The following FER1L6 variants were observed in gnomAD, a reference collection of about 807,000 sequenced individuals.
FER1L6 encodes the protein fer-1-like protein 6.
In FER1L6, 177 loss-of-function variants were observed where a neutral mutation model predicts 219.2. The ratio of observed to expected loss-of-function variants is 0.81; its 90% CI spans 0.71 to 0.91. The LOEUF (loss-of-function observed/expected upper bound fraction) is 0.91. FER1L6 is among the 40% of genes least tolerant of loss of function. The pLI, the probability that FER1L6 is intolerant of heterozygous loss-of-function variation, is 0.00. For synonymous variants in FER1L6, 768 were observed against 824.3 expected (o/e 0.93, Z 1.17); for missense variants, 2,153 against 2,259.9 (o/e 0.95, Z 0.96).
intron 39 of FER1L6, among the ~76,000 whole-genome samples, chr8:124,109,933 T>C (rs1288240012): frequency 6.6e-6 from 1 of 152,174 alleles, no homozygotes; most frequent in Non-Finnish European, 1.5e-5. Context: ...ACAGCAGTGG[T>C]CAGACCACAC....
At chr8:123,856,349 T>TATATATATATATATATATATATA (rs71289618) in intron 1 of FER1L6, among the ~76,000 whole-genome samples, 1 of 134,512 alleles carries the variant, frequency 7.4e-6, no homozygotes, top group African/African-American at 2.8e-5. Context: ...TATATATATA[T>TATATATATATATATATATATATA]TAGGGTCCAG....
At chr8:123,857,491 C>G (rs535142099) in intron 1 of FER1L6, among the ~76,000 whole-genome samples, 1 of 152,176 alleles carries the variant, frequency 6.6e-6, no homozygotes, top group Non-Finnish European at 1.5e-5. Flanking sequence ...GCCTGGGCAA[C>G]AGGGTGAGAC....
chr8:123,986,650 C>G (rs1262594426), intron 12 of FER1L6, among the ~76,000 whole-genome samples: 4 of 152,112 alleles, frequency 2.6e-5, no homozygotes, highest in Non-Finnish European at 5.9e-5. Flanking sequence ...ATCTGCACTT[C>G]TCCCCTGCCT....
At chr8:123,959,974 G>T (rs1815195193) in intron 2 of FER1L6, among the ~76,000 whole-genome samples, 1 of 152,156 alleles carries the variant, frequency 6.6e-6, no homozygotes, top group Admixed American at 6.5e-5. Context: ...GGAAAAAAAT[G>T]CCAAGAAATT....
intron 1 of FER1L6, among the ~76,000 whole-genome samples, chr8:123,931,411 C>T (rs1453320749): frequency 6.6e-6 from 1 of 152,160 alleles, no homozygotes; most frequent in African/African-American, 2.4e-5. Context: ...GTCTGGACCT[C>T]TCTTGGTTCC....
chr8:124,055,629 T>C (rs1418743729), intron 22 of FER1L6, among the ~76,000 whole-genome samples: 1 of 152,144 alleles, frequency 6.6e-6, no homozygotes, highest in Non-Finnish European at 1.5e-5. Context: ...AGTTTTCCTC[T>C]CCTCTGCTGC....
At chr8:123,919,269 C>T (rs200489428) in intron 1 of FER1L6, among the ~76,000 whole-genome samples, 1 of 152,196 alleles carries the variant, frequency 6.6e-6, no homozygotes, top group Non-Finnish European at 1.5e-5. Flanking sequence ...ACACCTGGGG[C>T]CAGCTACCTC....
chr8:123,935,566 G>A (rs982114283), intron 1 of FER1L6, among the ~76,000 whole-genome samples: 1 of 152,266 alleles, frequency 6.6e-6, no homozygotes, highest in African/African-American at 2.4e-5. Context: ...GCCTAGAAAT[G>A]TATCATAGGA....
At chr8:124,082,187 T>C (rs1443832149) in intron 32 of FER1L6, 101 bp from the exon 33 acceptor site, 4 of 849,346 alleles carry the variant, frequency 4.7e-6, no homozygotes, top group Middle Eastern at 2.9e-4. Flanking sequence ...GAGTGTTTAA[T>C]GAGTTCACAT....
intron 31 of FER1L6, among the ~76,000 whole-genome samples, chr8:124,073,297 G>A (rs1044292059): frequency 1.3e-5 from 2 of 152,210 alleles, no homozygotes; most frequent in African/African-American, 2.4e-5. Flanking sequence ...TGTCCAGGAG[G>A]TAGCATGGGG....
At position 124,060,567 on chromosome 8, in the gene FER1L6, G is replaced by C; in HGVS notation, c.3005G>C (p.Arg1002Pro). ...YRVEVLFWGV[R>P]EMKKVQLLSV... ...CCTCAGGTTCTCTTCTGGGGAGTTCGGGAAATGAAGAAGGTGCAGCTCCTC... is the reference window on the plus strand; with the variant it reads ...CCTCAGGTTCTCTTCTGGGGAGTTCCGGAAATGAAGAAGGTGCAGCTCCTC... Residue 1002 changes from arginine (R) to proline (P), a missense_variant, in exon 24 of 41, where the codon CGG becomes CCG. Coordinates refer to ENST00000522917, the MANE Select transcript of FER1L6 (RefSeq NM_001039112.2). The C allele has an allele frequency of 6.2e-7, 1 of 1,613,952 alleles. No individual in the cohort carries two copies. The highest frequency in any genetic ancestry group is 8.5e-7 in the Non-Finnish European group (1 of 1,179,962).
chr8:124,101,950 T>G (rs941504772), intron 38 of FER1L6, among the ~76,000 whole-genome samples: 4 of 152,166 alleles, frequency 2.6e-5, no homozygotes, highest in Admixed American at 2.0e-4. Context: ...GTAGGCAGAT[T>G]CAAAGATTTT....
intron 18 of FER1L6, among the ~76,000 whole-genome samples, chr8:124,023,900 G>GTTT (rs36091040): frequency 2.2e-5 from 3 of 135,102 alleles, no homozygotes; most frequent in African/African-American, 5.7e-5. Flanking sequence ...GAACCTTAAG[G>GTTT]TTTTTTTTTT....
At chr8:124,017,957 C>T (rs973647004) in intron 16 of FER1L6, among the ~76,000 whole-genome samples, 6 of 152,190 alleles carry the variant, frequency 3.9e-5, no homozygotes, top group Non-Finnish European at 7.3e-5. Context: ...GAATAGGTGA[C>T]CTCTTGCTCA....
At chr8:124,078,374 A>C (rs1046158189) in intron 32 of FER1L6, among the ~76,000 whole-genome samples, 1 of 152,166 alleles carries the variant, frequency 6.6e-6, no homozygotes, top group Non-Finnish European at 1.5e-5. Flanking sequence ...CCACCTTGAT[A>C]ATTAACCATA....
intron 12 of FER1L6, among the ~76,000 whole-genome samples, chr8:124,000,420 TG>T (rs367619369): frequency 6.6e-6 from 1 of 152,182 alleles, no homozygotes; most frequent in Non-Finnish European, 1.5e-5. Flanking sequence ...GGTCTTTCTG[TG>T]GGGGGTGATC....
In FER1L6 at chr8:124,114,897, A is replaced by G. The variant is rs938110521; in HGVS notation, c.5290-3947A>G. 5.1e-3 allele frequency among the ~76,000 whole-genome samples: 106 copies of G among 20,874 alleles called. 1 individual carries two copies. Among genetic ancestry groups the G allele is most frequent in the African/African-American group, 0.018 (92 of 5,196 alleles). The allele number at this position is 20,874 out of a possible 152,430, so 13.7% of individuals were successfully genotyped here. ...ATATATATGCAGTGTGTGTGTGCGT[A>G]TATATATATATATATATATATATAT... On this transcript the variant is annotated intron_variant, in intron 39 of 40. Coordinates refer to ENST00000522917, the MANE Select transcript of FER1L6 (RefSeq NM_001039112.2).
intron 14 of FER1L6, 68 bp from the exon 15 acceptor site, chr8:124,013,363 A>G: frequency 1.2e-6 from 1 of 834,798 alleles, no homozygotes; most frequent in South Asian, 2.5e-5. Flanking sequence ...AGTACATTAT[A>G]ATTAGTATCT....
intron 32 of FER1L6, among the ~76,000 whole-genome samples, chr8:124,079,578 T>C (rs956838202): frequency 6.6e-6 from 1 of 152,220 alleles, no homozygotes; most frequent in African/African-American, 2.4e-5. Context: ...CAAATGTTTT[T>C]TTCTTTCCAA....
Sources: gnomAD v4.1 joint callset for allele counts (sites outside exome capture counted in the v4.1 genomes callset) on GRCh38, gnomAD v4.1.1 for gene constraint, MANE v1.5 for transcripts, NCBI Gene and HGNC (gene_info 2026-07-23, HGNC 2026-07-21) for gene names.